The following RALYL variants were observed in gnomAD, a reference collection of about 807,000 sequenced individuals.
The protein encoded by RALYL is RNA-binding Raly-like protein.
RALYL carries 29 observed loss-of-function variants against 35.1 expected under a neutral mutation model. That is an observed-to-expected ratio of 0.83 (90% CI 0.61 to 1.13). RALYL has a LOEUF of 1.13. RALYL is among the 50% of genes most tolerant of loss of function. RALYL has a pLI of 0.00. For missense variants in RALYL, 359 were observed against 360.4 expected (o/e 1.00, Z 0.03); for synonymous variants, 120 against 127.6 (o/e 0.94, Z 0.40).
At chr8:84,623,882 G>T (rs1487475315) in intron 2 of RALYL, among the ~76,000 whole-genome samples, 1 of 152,136 alleles carries the variant, frequency 6.6e-6, no homozygotes, top group African/African-American at 2.4e-5. Flanking sequence ...AGGGACCAAT[G>T]GCCCCATCAT....
At chr8:84,408,303 CA>C (rs1196962455) in intron 1 of RALYL, among the ~76,000 whole-genome samples, 4 of 151,154 alleles carry the variant, frequency 2.6e-5, no homozygotes, top group Non-Finnish European at 5.9e-5. Context: ...TTGATTTCAA[CA>C]AAAAGTTCTG....
At chr8:84,322,360 G>A (rs900048481) in intron 1 of RALYL, among the ~76,000 whole-genome samples, 3 of 152,004 alleles carry the variant, frequency 2.0e-5, no homozygotes, top group African/African-American at 7.2e-5. Flanking sequence ...ATAGGTAGGA[G>A]GAACAAAGAA....
intron 1 of RALYL, among the ~76,000 whole-genome samples, chr8:84,469,309 A>G (rs916698270): frequency 2.0e-5 from 3 of 152,118 alleles, no homozygotes; most frequent in African/African-American, 7.2e-5. Flanking sequence ...GGTGATGTAC[A>G]GATGGGTTTT....
chr8:84,494,977 G>T (rs1316204511), intron 1 of RALYL, among the ~76,000 whole-genome samples: 1 of 152,038 alleles, frequency 6.6e-6, no homozygotes, highest in Non-Finnish European at 1.5e-5. Context: ...TCTTGTACCG[G>T]TTTTCAAAGG....
chr8:84,269,791 T>C (rs1315318760), intron 1 of RALYL, among the ~76,000 whole-genome samples: 1 of 152,118 alleles, frequency 6.6e-6, no homozygotes, highest in African/African-American at 2.4e-5. Context: ...GTTCTAATAT[T>C]GTGGATCATA....
chr8:84,334,598 T>C (rs182477607), intron 1 of RALYL, among the ~76,000 whole-genome samples: 11 of 152,056 alleles, frequency 7.2e-5, no homozygotes, highest in African/African-American at 2.4e-4. Flanking sequence ...AACTATGTAA[T>C]TATAAAAATC....
rs117882231 is a variant in RALYL, at chr8:84,838,876, T to A, written c.366-11104T>A. On this transcript the variant is annotated intron_variant, in intron 4 of 8. Transcript: ENST00000521268. ...GTCATCTATATTAATAATGCCTTTATAATTGATGAGTGTGTCGTATTTTCT... is the reference window on the plus strand; with the variant it reads ...GTCATCTATATTAATAATGCCTTTAAAATTGATGAGTGTGTCGTATTTTCT... Among the ~76,000 whole-genome samples the A allele has an allele frequency of 6.7e-3, 1,028 of 152,374 alleles. 8 individuals carry two copies. Among genetic ancestry groups the A allele is most frequent in the Non-Finnish European group, 8.9e-3 (606 of 68,032 alleles).
At chr8:84,658,782 T>C (rs1830388769) in intron 2 of RALYL, among the ~76,000 whole-genome samples, 1 of 152,064 alleles carries the variant, frequency 6.6e-6, no homozygotes, top group African/African-American at 2.4e-5. Context: ...TATATGGTGT[T>C]GAGAGAAGAG....
intron 1 of RALYL, among the ~76,000 whole-genome samples, chr8:84,472,325 A>T (rs917842911): frequency 1.3e-5 from 2 of 152,178 alleles, no homozygotes; most frequent in African/African-American, 2.4e-5. Flanking sequence ...GGACAAAAAG[A>T]GGATGTTGGA....
intron 1 of RALYL, among the ~76,000 whole-genome samples, chr8:84,295,147 G>C (rs1839520550): frequency 6.6e-6 from 1 of 152,094 alleles, no homozygotes; most frequent in African/African-American, 2.4e-5. Flanking sequence ...GGTGGGGAGA[G>C]TAAAAGTCAG....
chr8:84,638,810 T>G (rs1439964426), intron 2 of RALYL, among the ~76,000 whole-genome samples: 2 of 147,340 alleles, frequency 1.4e-5, no homozygotes, highest in African/African-American at 5.1e-5. Context: ...TAAACTATGT[T>G]GTTATGGAGT....
At chr8:84,833,594 C>T (rs1027104853) in intron 4 of RALYL, among the ~76,000 whole-genome samples, 15 of 149,408 alleles carry the variant, frequency 1.0e-4, no homozygotes, top group South Asian at 2.1e-4. Flanking sequence ...GCTGAGATTG[C>T]GCCATTGCAC....
intron 6 of RALYL, among the ~76,000 whole-genome samples, chr8:84,868,938 TTATG>T (rs1839681699): frequency 6.6e-6 from 1 of 152,056 alleles, no homozygotes; most frequent in African/African-American, 2.4e-5. Context: ...AAAAATTGTA[TTATG>T]TATTATGTTA....
At chr8:84,841,393 G>A (rs1370500821) in intron 4 of RALYL, among the ~76,000 whole-genome samples, 2 of 151,990 alleles carry the variant, frequency 1.3e-5, no homozygotes, top group African/African-American at 4.8e-5. Context: ...AATGGTAAAG[G>A]GATCAATTCA....
chr8:84,850,528 T>C (rs1275217705), intron 5 of RALYL, among the ~76,000 whole-genome samples: 1 of 152,218 alleles, frequency 6.6e-6, no homozygotes, highest in Non-Finnish European at 1.5e-5. Context: ...AACAGGATTG[T>C]CTCATGATCT....
intron 1 of RALYL, among the ~76,000 whole-genome samples, chr8:84,286,376 A>T (rs1165181491): frequency 6.6e-6 from 1 of 152,210 alleles, no homozygotes; most frequent in African/African-American, 2.4e-5. Flanking sequence ...TGTGGGTACA[A>T]TGAGGCAAGA....
intron 1 of RALYL, among the ~76,000 whole-genome samples, chr8:84,498,741 C>G (rs2056350449): frequency 6.6e-6 from 1 of 152,052 alleles, no homozygotes; most frequent in Non-Finnish European, 1.5e-5. Flanking sequence ...TGATAACACA[C>G]TTTTCAACAG....
intron 1 of RALYL, among the ~76,000 whole-genome samples, chr8:84,408,571 A>T (rs777971098): frequency 3.3e-5 from 5 of 152,176 alleles, no homozygotes; most frequent in Non-Finnish European, 5.9e-5. Context: ...CATGGGGTGG[A>T]TGAATAAGTG....
At chr8:84,472,401 A>G (rs528610261) in intron 1 of RALYL, among the ~76,000 whole-genome samples, 50 of 152,280 alleles carry the variant, frequency 3.3e-4, no homozygotes, top group African/African-American at 1.2e-3. Context: ...TCTCTGAGAG[A>G]TGGAGGAAGA....
Sources: allele counts gnomAD v4.1 joint callset (sites outside exome capture counted in the v4.1 genomes callset), GRCh38; gene constraint gnomAD v4.1.1; transcripts MANE v1.5; gene names NCBI Gene and HGNC (gene_info 2026-07-23, HGNC 2026-07-21).